CACNA1G: variants seen among roughly 807,000 people sequenced by gnomAD.
CACNA1G encodes the protein calcium voltage-gated channel subunit alpha1 G.
CACNA1G carries 67 observed loss-of-function variants against 219.4 expected under a neutral mutation model. The observed-to-expected ratio is 0.31, with a 90% CI of 0.25 to 0.37. The LOEUF (loss-of-function observed/expected upper bound fraction) is 0.37, where lower values mean the gene tolerates loss of function less well. Among genes scored for constraint, CACNA1G ranks in the 10% least tolerant of loss-of-function variants. CACNA1G has a pLI of 1.00. For missense variants in CACNA1G, 2,380 were observed against 3,231.4 expected (o/e 0.74, Z 6.39); for synonymous variants, 1,296 against 1,345.3 (o/e 0.96, Z 0.80).
chr17:50,572,157 G>C, intron 5 of CACNA1G, 120 bp downstream of exon 5: 1 of 1,186,022 alleles, frequency 8.4e-7, no homozygotes, highest in Non-Finnish European at 1.2e-6. Flanking sequence ...GACATATCTG[G>C]TTCTCAAACT....
chr17:50,603,150 C>T lies in CACNA1G; in HGVS notation c.4120C>T (p.Leu1374=), dbSNP rs1236527225. The T allele has an allele frequency of 6.2e-7, 1 of 1,611,774 alleles. No individual in the cohort carries two copies. Among genetic ancestry groups the T allele is most frequent in the East Asian group, 2.2e-5 (1 of 44,874 alleles). ...GGTCTCTGACAGCGGCACCAAGATC[C>T]TGGGCATGCTGAGGGTGCTGCGGCT... ...SMVSDSGTKI[L]GMLRVLRLLR... The change falls in exon 21 of 38, where the codon CTG becomes TTG. Residue 1374 remains leucine (L), a synonymous_variant. Transcript: ENST00000359106. This position sits in a 1 kb window ranked among gnomAD's most constrained non-coding sequence, Gnocchi z 6.4.
chr17:50,599,665 C>A lies in CACNA1G; in HGVS notation c.3496C>A (p.Arg1166=), dbSNP rs372375481. 2 of 1,612,834 alleles carry A rather than the reference C, an allele frequency of 1.2e-6. No homozygotes were observed. The highest frequency in any genetic ancestry group is 1.3e-5 in the African/African-American group (1 of 74,924). The change falls in exon 17 of 38, where the codon CGG becomes AGG. Residue 1166 remains arginine (R), a synonymous_variant. Coordinates refer to ENST00000359106, the MANE Select transcript of CACNA1G (RefSeq NM_018896.5). ...SDHRHRGSLE[R]EAKSSFDLPD... ...CCATCGCCACAGGGGGTCCCTGGAGCGGGAGGCCAAGAGTTCCTTTGACCT... is the reference window on the plus strand; with the variant it reads ...CCATCGCCACAGGGGGTCCCTGGAGAGGGAGGCCAAGAGTTCCTTTGACCT...
At chr17:50,594,855 A>G (rs911126961) in intron 13 of CACNA1G, 138 bp from the exon 14 acceptor site, 38 of 599,688 alleles carry the variant, frequency 6.3e-5, no homozygotes, top group Non-Finnish European at 1.1e-4. Context: ...CTGCCCCCCC[A>G]TTCCCCGTGT....
chr17:50,601,934 G>A (rs2046754329), intron 19 of CACNA1G, among the ~76,000 whole-genome samples: 1 of 152,120 alleles, frequency 6.6e-6, no homozygotes, highest in African/African-American at 2.4e-5. Context: ...AGCGCTGCTG[G>A]GGCTTCTGTT....
At chr17:50,565,704 C>A (rs957478803) in intron 1 of CACNA1G, among the ~76,000 whole-genome samples, 6 of 152,258 alleles carry the variant, frequency 3.9e-5, no homozygotes, top group African/African-American at 1.4e-4. Flanking sequence ...CCAGCCACCC[C>A]CCTCCTCTCC....
rs1295161220 is a variant in CACNA1G, at chr17:50,600,692, T to C, written c.3691-34T>C. ...CCAGGAGCCGGGGAACCTGGAGGCC[T>C]GGTCCTGCTCATACTCCAGTGTTTG... is the stretch of plus-strand genomic sequence containing the variant. On this transcript the variant is annotated intron_variant, in intron 17 of 37. Transcript: ENST00000359106. The surrounding 1 kb of genome is among the most constrained non-coding windows in gnomAD (Gnocchi z 4.1). 6.3e-7 allele frequency: 1 copy of C among 1,588,124 alleles called. No individual in the cohort carries two copies. The highest frequency in any genetic ancestry group is 8.6e-7 in the Non-Finnish European group (1 of 1,156,794).
rs1294338274 is a variant in CACNA1G at position 50,604,276 on chromosome 17, G to T, written c.4291G>T (p.Val1431Leu). Residue 1431 changes from valine to leucine, a missense_variant, in exon 22 of 38, where the codon GTG becomes TTG. Around this residue, in one of 17 missense-constraint regions of CACNA1G, gnomAD observed 153 missense variants for 374.9 expected, o/e 0.41. Coordinates refer to ENST00000359106, the MANE Select transcript of CACNA1G (RefSeq NM_018896.5). The part of the protein sequence containing the change: ...AFFIIFGILG[V>L]QLFKGKFFVC... ...CTTCATCATTTTCGGCATCTTGGGG[G>T]TGCAGGTGTGTGGGGTTCTGGGGGC... 6.2e-6 allele frequency: 10 copies of T among 1,613,424 alleles called. No individual in the cohort carries two copies. Among genetic ancestry groups the T allele is most frequent in the Non-Finnish European group, 8.5e-6 (10 of 1,179,478 alleles).
chr17:50,578,188 G>A lies in CACNA1G; in HGVS notation c.1925G>A (p.Gly642Asp). 1 of 1,565,460 alleles carries A rather than the reference G, an allele frequency of 6.4e-7. No individual in the cohort carries two copies. The highest frequency in any genetic ancestry group is 8.7e-7 in the Non-Finnish European group (1 of 1,154,514). Residue 642 changes from glycine (G) to aspartate (D), a missense_variant and splice_region_variant, in exon 9 of 38, where the codon GGT (glycine) becomes GAT (aspartate). Coordinates refer to ENST00000359106, the MANE Select transcript of CACNA1G (RefSeq NM_018896.5). The surrounding 1 kb of genome is among the most constrained non-coding windows in gnomAD (Gnocchi z 4.5). Reference protein sequence around the residue: ...MHKLLETQSTGACQSSCKISS... With the variant: ...MHKLLETQSTDACQSSCKISS... The stretch of plus-strand genomic sequence containing the variant: ...TCTCACCTCTACTCTCCTGTTCCAG[G>A]TGCCTGCCAAAGCTCTTGCAAGATC...
At position 50,600,671 on chromosome 17, in the gene CACNA1G, G is replaced by T; in HGVS notation, c.3691-55G>T. 1 of 1,483,584 alleles carries T rather than the reference G, an allele frequency of 6.7e-7. No homozygotes were observed. The highest frequency in any genetic ancestry group is 1.1e-5 in the South Asian group (1 of 88,188). The allele number at this position is 1,483,584 out of a possible 1,614,324, so 91.9% of individuals were successfully genotyped here. On this transcript the variant is annotated intron_variant, in intron 17 of 37. Transcript: ENST00000359106. This position sits in a 1 kb window ranked among gnomAD's most constrained non-coding sequence, Gnocchi z 4.1. ...GCTCGTGACTCTGCTGAGGAGCCAG[G>T]AGCCGGGGAACCTGGAGGCCTGGTC...
intron 26 of CACNA1G, among the ~76,000 whole-genome samples, chr17:50,611,281 A>T (rs2049154937): frequency 6.8e-6 from 1 of 147,060 alleles, no homozygotes; most frequent in African/African-American, 2.5e-5. Context: ...AGAGAGAGAG[A>T]GAGTGAGAAC....
At chr17:50,609,604 C>T (rs569335266) in intron 25 of CACNA1G, among the ~76,000 whole-genome samples, 10 of 152,310 alleles carry the variant, frequency 6.6e-5, no homozygotes, top group East Asian at 3.9e-4. Flanking sequence ...GAGGCCACAA[C>T]GCAGGAGAAG....
intron 25 of CACNA1G, among the ~76,000 whole-genome samples, chr17:50,608,524 T>TGATA (rs907321185): frequency 3.6e-5 from 4 of 111,526 alleles, no homozygotes; most frequent in African/African-American, 1.1e-4. Flanking sequence ...CTTTCTACCA[T>TGATA]GATATATATA....
In CACNA1G at chr17:50,561,412, C is replaced by T. The variant is rs948168803; in HGVS notation, c.-48C>T. 22 of 1,532,756 alleles carry T rather than the reference C, an allele frequency of 1.4e-5. No homozygotes were observed. The African/African-American group carries it at 2.2e-4, about 15-fold the overall frequency. 94.9% of individuals were successfully genotyped at this position (1,532,756 alleles called of 1,614,324 possible). ...GCGTGAGGACACCTCCTCTGAGGGG[C>T]GCCGCTTGCCCCTCTCCGGATCGCC... On this transcript the variant is annotated 5_prime_UTR_variant, in exon 1 of 38. Transcript: ENST00000359106.
At chr17:50,588,807 C>A (rs2043552325) in intron 9 of CACNA1G, among the ~76,000 whole-genome samples, 1 of 152,224 alleles carries the variant, frequency 6.6e-6, no homozygotes, top group Non-Finnish European at 1.5e-5. Flanking sequence ...GAAAGTTTAT[C>A]TCTCTCTGAG....
At chr17:50,622,105 T>A (rs2052267541) in intron 35 of CACNA1G, among the ~76,000 whole-genome samples, 1 of 151,974 alleles carries the variant, frequency 6.6e-6, no homozygotes, top group African/African-American at 2.4e-5. Context: ...CCAAAACAGG[T>A]GTCATCAGAG....
rs749957279 is a variant in CACNA1G at position 50,578,390 on chromosome 17, C to T, written c.2127C>T (p.His709=). The T allele has an allele frequency of 1.9e-6, 3 of 1,613,376 alleles. No individual in the cohort carries two copies. Among genetic ancestry groups the T allele is most frequent in the Non-Finnish European group, 2.5e-6 (3 of 1,179,864 alleles). The part of the protein sequence containing the change: ...DAQHSDLRDP[H]SRRQRSLGPD... ...AGCACAGCGACCTCCGGGACCCCCA[C>T]AGCCGGCGGCAACGGAGCCTGGGCC... The change falls in exon 9 of 38, where the codon CAC becomes CAT. Residue 709 remains histidine (H), a synonymous_variant. Coordinates refer to ENST00000359106, the MANE Select transcript of CACNA1G (RefSeq NM_018896.5). The surrounding 1 kb of genome is among the most constrained non-coding windows in gnomAD (Gnocchi z 4.5).
chr17:50,575,827 G>A lies in CACNA1G; in HGVS notation c.1425G>A (p.Glu475=), dbSNP rs369991736. Residue 475 remains glutamate, a synonymous_variant, in exon 8 of 38, where the codon GAG becomes GAA. Coordinates refer to ENST00000359106, the MANE Select transcript of CACNA1G (RefSeq NM_018896.5). The part of the protein sequence containing the change: ...LSSPAPLGGQ[E]TQPSSSCSRS... ...GCCCAGCACCCCTCGGGGGCCAGGA[G>A]ACCCAGCCCAGCAGCAGCTGCTCTC... is the stretch of plus-strand genomic sequence containing the variant. 482 of 1,550,686 alleles carry A rather than the reference G, an allele frequency of 3.1e-4. 1 individual carries two copies. The African/African-American group carries it at 5.1e-3, about 16-fold the overall frequency.
In CACNA1G at chr17:50,571,698, C is replaced by T. The variant is rs2039476223; in HGVS notation, c.587-180C>T. Among the ~76,000 whole-genome samples the T allele has an allele frequency of 6.6e-6, 1 of 152,170 alleles. No individual in the cohort carries two copies. The highest frequency in any genetic ancestry group is 2.4e-5 in the African/African-American group (1 of 41,440). On this transcript the variant is annotated intron_variant, in intron 4 of 37. Coordinates refer to ENST00000359106, the MANE Select transcript of CACNA1G (RefSeq NM_018896.5). This position sits in a 1 kb window ranked among gnomAD's most constrained non-coding sequence, Gnocchi z 4.3. ...AGCCACAAGGGGAAGTGGGTCGGGG[C>T]AAGGGGCTGCAGAGGCTATCTGGGG... is the stretch of plus-strand genomic sequence containing the variant.
chr17:50,579,211 AG>A (rs1350401274), intron 9 of CACNA1G, among the ~76,000 whole-genome samples: 1 of 152,140 alleles, frequency 6.6e-6, no homozygotes, highest in Non-Finnish European at 1.5e-5. Flanking sequence ...CGGGATGTTT[AG>A]TTAGGAGGAG....
Sources: gnomAD v4.1 joint callset for allele counts (sites outside exome capture counted in the v4.1 genomes callset) on GRCh38, gnomAD v4.1.1 for gene constraint, gnomAD v4.1.1 regional missense constraint, Gnocchi (gnomAD v3.1) non-coding constraint, MANE v1.5 for transcripts, NCBI Gene and HGNC (gene_info 2026-07-23, HGNC 2026-07-21) for gene names.